SLC9A9: variants seen among roughly 807,000 people sequenced by gnomAD.
SLC9A9 encodes sodium/hydrogen exchanger 9.
A neutral mutation model predicts 77.8 loss-of-function variants in SLC9A9; 62 were observed. That is an observed-to-expected ratio of 0.80 (90% CI 0.65 to 0.98). The LOEUF (loss-of-function observed/expected upper bound fraction) is 0.98, where lower values mean the gene tolerates loss of function less well. Ranked by LOEUF, SLC9A9 falls within the 50% of genes least tolerant of loss-of-function variation. SLC9A9 has a pLI of 0.00. For missense variants in SLC9A9, 775 were observed against 774.9 expected (o/e 1.00, Z 0.00); for synonymous variants, 320 against 283.5 (o/e 1.13, Z -1.29).
chr3:143,440,932 G>C lies in SLC9A9; in HGVS notation c.1469+26105C>G, dbSNP rs76922315. Among the ~76,000 whole-genome samples, 580 of 152,304 alleles carry C rather than the reference G, an allele frequency of 3.8e-3. 4 individuals carry two copies. The highest frequency in any genetic ancestry group is 0.013 in the African/African-American group (553 of 41,556). ...TCTTCAGAATTCTATTTACTGACTT[G>C]AGGGCAACTTTATTTGGTGACATCA... On this transcript the variant is annotated intron_variant, in intron 12 of 15. Coordinates refer to ENST00000316549, the MANE Select transcript of SLC9A9 (RefSeq NM_173653.4).
intron 14 of SLC9A9, among the ~76,000 whole-genome samples, chr3:143,358,335 C>T (rs1051968330): frequency 6.6e-6 from 1 of 152,174 alleles, no homozygotes; most frequent in Non-Finnish European, 1.5e-5. Flanking sequence ...ATCCACGTGG[C>T]TTTATGTAAT....
intron 6 of SLC9A9, among the ~76,000 whole-genome samples, chr3:143,630,216 TAC>T (rs1336664055): frequency 6.6e-6 from 1 of 152,146 alleles, no homozygotes; most frequent in Non-Finnish European, 1.5e-5. Context: ...TGAACTGAAA[TAC>T]AGAGATTTCA....
At chr3:143,370,567 G>GCGCGCACACACACACACA (rs373398536) in intron 13 of SLC9A9, among the ~76,000 whole-genome samples, 2 of 143,304 alleles carry the variant, frequency 1.4e-5, no homozygotes, top group East Asian at 2.1e-4. Context: ...GCATGTGCGC[G>GCGCGCACACACACACACA]CACACACACA....
In SLC9A9 at chr3:143,832,175, A is replaced by G; in HGVS notation, c.222T>C (p.Asp74=). 1 of 1,613,028 alleles carries G rather than the reference A, an allele frequency of 6.2e-7. No individual in the cohort carries two copies. Among genetic ancestry groups the G allele is most frequent in the Non-Finnish European group, 8.5e-7 (1 of 1,179,536 alleles). The change falls in exon 2 of 16, where the codon GAT becomes GAC. Residue 74 remains aspartate, a synonymous_variant. Transcript: ENST00000316549. ...AGTCATAGACAGTTCCACTTTCAAT[A>G]TCAGTTGGTGCTGTAGCATATCGTA... ...LILRYATAPT[D]IESGTVYDCV...
chr3:143,291,854 TAA>T (rs960307811), intron 14 of SLC9A9, among the ~76,000 whole-genome samples: 48 of 152,330 alleles, frequency 3.2e-4, no homozygotes, highest in African/African-American at 7.5e-4. Context: ...TTTTCTGTTT[TAA>T]AAAGAGGAGC....
In SLC9A9 at chr3:143,503,933, T is replaced by C. The variant is rs886157308; in HGVS notation, c.1090-8485A>G. The C allele has an allele frequency of 6.8e-5, 25 of 368,070 alleles. No individual in the cohort carries two copies. In the Admixed American group the frequency reaches 7.9e-4, roughly 12 times the overall value. The allele number at this position is 368,070 out of a possible 1,614,324, so 22.8% of individuals were successfully genotyped here. On this transcript the variant is annotated intron_variant, in intron 9 of 15. Coordinates refer to ENST00000316549, the MANE Select transcript of SLC9A9 (RefSeq NM_173653.4). ...AGAGATGATGACTCTTTGGCTTCCT[T>C]ATCTAAGTGAGCCTCAGCCTTCTCC...
chr3:143,373,605 T>TAAAAAAAA (rs67376157), intron 13 of SLC9A9, among the ~76,000 whole-genome samples: 77 of 58,438 alleles, frequency 1.3e-3, no homozygotes, highest in African/African-American at 1.6e-3. Context: ...ACTGAAATAG[T>TAAAAAAAA]AAAAAAAAAA....
intron 12 of SLC9A9, among the ~76,000 whole-genome samples, chr3:143,390,371 G>A (rs6809802): frequency 1 from 151,895 of 152,340 alleles, 75,727 homozygotes; most frequent in East Asian, 1. Context: ...GTGTGACTAT[G>A]GGCAGGAAAC....
chr3:143,273,330 A>G (rs1342142902), intron 14 of SLC9A9, among the ~76,000 whole-genome samples: 7 of 152,178 alleles, frequency 4.6e-5, no homozygotes, highest in African/African-American at 1.7e-4. Context: ...CCCCAGTGTG[A>G]TATTTGGAGA....
intron 11 of SLC9A9, among the ~76,000 whole-genome samples, chr3:143,475,615 AC>A (rs1178210897): frequency 5.3e-5 from 8 of 151,640 alleles, no homozygotes; most frequent in Admixed American, 5.3e-4. Context: ...ACACGGTGAA[AC>A]CCCGTCTCTA....
chr3:143,600,466 G>C (rs2037829125), intron 6 of SLC9A9, among the ~76,000 whole-genome samples: 2 of 152,196 alleles, frequency 1.3e-5, no homozygotes, highest in South Asian at 4.1e-4. Context: ...AATTCTATAA[G>C]TGTGTGAAAA....
At chr3:143,354,609 T>C in intron 14 of SLC9A9, among the ~76,000 whole-genome samples, 1 of 152,206 alleles carries the variant, frequency 6.6e-6, no homozygotes, top group South Asian at 2.1e-4. Flanking sequence ...CCTGCAAATA[T>C]CTTGGCTCCT....
intron 13 of SLC9A9, among the ~76,000 whole-genome samples, chr3:143,375,957 A>G (rs1286003743): frequency 6.6e-6 from 1 of 152,094 alleles, no homozygotes; most frequent in African/African-American, 2.4e-5. Flanking sequence ...GTCTTCCTTT[A>G]GACATCTGCA....
intron 1 of SLC9A9, among the ~76,000 whole-genome samples, chr3:143,835,221 T>A (rs899852843): frequency 6.6e-6 from 1 of 152,194 alleles, no homozygotes; most frequent in Non-Finnish European, 1.5e-5. Context: ...GGAATGAAAA[T>A]CTTTTGTGCA....
At position 143,517,173 on chromosome 3, in the gene SLC9A9, T is replaced by G; in HGVS notation, c.1090-21725A>C. The G allele has an allele frequency of 1.3e-6, 2 of 1,501,902 alleles. 1 individual carries two copies. The highest frequency in any genetic ancestry group is 4.7e-4 in the Middle Eastern group (2 of 4,272). The allele number at this position is 1,501,902 out of a possible 1,614,324, so 93.0% of individuals were successfully genotyped here. A position where few individuals can be genotyped will look rare whatever the true frequency, so the allele number is the denominator to read the frequency against. ...AATTTACTGATGAGATTCATAACCT[T>G]TGAGTTGCTCTGGTATTTTGACATA... On this transcript the variant is annotated intron_variant, in intron 9 of 15. Transcript: ENST00000316549.
At chr3:143,575,937 G>A (rs1233173954) in intron 7 of SLC9A9, among the ~76,000 whole-genome samples, 1 of 152,044 alleles carries the variant, frequency 6.6e-6, no homozygotes, top group African/African-American at 2.4e-5. Flanking sequence ...ACCAAATACT[G>A]CACGATCAAT....
intron 4 of SLC9A9, among the ~76,000 whole-genome samples, chr3:143,714,475 T>C (rs572264293): frequency 1.4e-4 from 22 of 152,368 alleles, no homozygotes; most frequent in African/African-American, 4.6e-4. Context: ...CAGTCTAATA[T>C]ATCTCTTCTG....
intron 9 of SLC9A9, among the ~76,000 whole-genome samples, chr3:143,513,557 A>T (rs2036153407): frequency 6.6e-6 from 1 of 152,210 alleles, no homozygotes; most frequent in Non-Finnish European, 1.5e-5. Context: ...CTCCTTTCAT[A>T]AATCACAAAT....
chr3:143,307,107 G>T (rs910313624), intron 14 of SLC9A9, among the ~76,000 whole-genome samples: 1 of 152,234 alleles, frequency 6.6e-6, no homozygotes, highest in Admixed American at 6.5e-5. Context: ...GGTTAGCTCA[G>T]TGATTGCCTG....
Sources: allele counts gnomAD v4.1 joint callset (sites outside exome capture counted in the v4.1 genomes callset), GRCh38; gene constraint gnomAD v4.1.1; transcripts MANE v1.5; gene names NCBI Gene and HGNC (gene_info 2026-07-23, HGNC 2026-07-21).